CIITA: variants seen among roughly 807,000 people sequenced by gnomAD.
CIITA encodes the protein MHC class II transactivator.
Under a neutral mutation model 115.1 loss-of-function variants are expected in CIITA, and 72 were observed. The ratio of observed to expected loss-of-function variants is 0.63; its 90% CI spans 0.52 to 0.76. The LOEUF (loss-of-function observed/expected upper bound fraction) is 0.76, where lower values mean the gene tolerates loss of function less well. Ranked by LOEUF, CIITA falls within the 30% of genes least tolerant of loss-of-function variation. The probability of loss-of-function intolerance (pLI) is 0.00; values close to 1 mark genes in which losing one functional copy is unlikely to be tolerated. For synonymous variants in CIITA, 763 were observed against 635.6 expected (o/e 1.20, Z -3.02); for missense variants, 1,617 against 1,463.8 (o/e 1.10, Z -1.71).
intron 9 of CIITA, among the ~76,000 whole-genome samples, chr16:10,904,107 C>T (rs2038972175): frequency 6.6e-6 from 1 of 152,192 alleles, no homozygotes; most frequent in Non-Finnish European, 1.5e-5. Context: ...CCAAATACAG[C>T]CATCAGCCTT....
chr16:10,916,563 T>G, intron 15 of CIITA, 104 bp downstream of exon 15: 1 of 965,430 alleles, frequency 1.0e-6, no homozygotes, highest in South Asian at 1.4e-5. Flanking sequence ...GGGCTCGCTG[T>G]GTCACCCAGG....
intron 3 of CIITA, among the ~76,000 whole-genome samples, chr16:10,897,157 T>C (rs1270003105): frequency 2.6e-5 from 4 of 152,138 alleles, no homozygotes; most frequent in Non-Finnish European, 4.4e-5. Context: ...CTGAGTAATT[T>C]ATAAAGAAAA....
At position 10,877,690 on chromosome 16, in the gene CIITA, A is replaced by G. The variant is rs186133286; in HGVS notation, c.52+308A>G. ...ATGCTGGCCTGGCTCGGCCCACAGC[A>G]AGGTCTTCTCGCCTCCCTTTGGGTA... On this transcript the variant is annotated intron_variant, in intron 1 of 19. Coordinates refer to ENST00000324288, the MANE Select transcript of CIITA (RefSeq NM_000246.4). Among the ~76,000 whole-genome samples, 122 of 152,260 alleles carry G rather than the reference A, an allele frequency of 8.0e-4. 1 individual carries two copies. Among genetic ancestry groups the G allele is most frequent in the Non-Finnish European group, 1.3e-4 (9 of 68,012 alleles).
At chr16:10,903,675 G>A (rs2038939015) in intron 8 of CIITA, 56 bp from the exon 9 acceptor site, 6 of 1,598,064 alleles carry the variant, frequency 3.8e-6, no homozygotes, top group Admixed American at 1.7e-5. Flanking sequence ...TGACCCAAGT[G>A]CATTTCTGGA....
chr16:10,883,883 A>G (rs1391632874), intron 1 of CIITA, among the ~76,000 whole-genome samples: 1 of 152,238 alleles, frequency 6.6e-6, no homozygotes, highest in Non-Finnish European at 1.5e-5. Flanking sequence ...CAAGGAAGCT[A>G]GACCTTCACA....
Position 10,942,366 on chromosome 16 carries a change from C to G in CIITA, n.1492C>G, listed in dbSNP as rs972671425. ...CAGTGTCTAGGGCCGGTCCCGGCAG[C>G]CTTCTCTCCCGCCCCGCCCCGCAGG... On this transcript the variant is annotated non_coding_transcript_exon_variant, in exon 2 of 2. Coordinates refer to the CIITA transcript ENST00000573379. This position sits in a 1 kb window ranked among gnomAD's most constrained non-coding sequence, Gnocchi z 5.0. 8.1e-5 allele frequency: 15 copies of G among 184,952 alleles called. No homozygotes were observed. Among genetic ancestry groups the G allele is most frequent in the Non-Finnish European group, 1.7e-4 (15 of 88,614 alleles). The allele number at this position is 184,952 out of a possible 1,614,324, so 11.5% of individuals were successfully genotyped here.
chr16:10,871,554 G>A (rs1032971496), intron 1 of CIITA, among the ~76,000 whole-genome samples: 10 of 152,132 alleles, frequency 6.6e-5, no homozygotes, highest in Admixed American at 3.3e-4. Flanking sequence ...CTGGGAAGTC[G>A]CCTGATTTAT....
chr16:10,922,337 G>A (rs1433806647), intron 17 of CIITA, 70 bp from the exon 18 acceptor site: 22 of 1,608,358 alleles, frequency 1.4e-5, no homozygotes, highest in Non-Finnish European at 1.6e-5. Context: ...AGAGCTGGAT[G>A]TGGGGGTGGC....
intron 1 of CIITA, among the ~76,000 whole-genome samples, chr16:10,870,658 A>G (rs889344478): frequency 2.6e-5 from 4 of 152,182 alleles, no homozygotes; most frequent in African/African-American, 9.7e-5. Flanking sequence ...TCTGCTCCTT[A>G]CGTACCATGT....
chr16:10,916,353 G>A lies in CIITA; in HGVS notation c.2970-14G>A. 6.2e-7 allele frequency: 1 copy of A among 1,613,296 alleles called. No individual in the cohort carries two copies. Among genetic ancestry groups the A allele is most frequent in the Non-Finnish European group, 8.5e-7 (1 of 1,179,630 alleles). On this transcript the variant is annotated splice_polypyrimidine_tract_variant and intron_variant, in intron 14 of 19. Coordinates refer to ENST00000324288, the MANE Select transcript of CIITA (RefSeq NM_000246.4). ...GGACGCTAGCTGATGGCCCCCATCT[G>A]ATTCCACCTGCAGCCTGGATGCGCT...
Position 10,877,267 on chromosome 16 carries a change from G to A in CIITA, c.-64G>A, listed in dbSNP as rs2143426696. 6.6e-7 allele frequency: 1 copy of A among 1,513,260 alleles called. No homozygotes were observed. The highest frequency in any genetic ancestry group is 9.1e-7 in the Non-Finnish European group (1 of 1,099,088). 93.7% of individuals were successfully genotyped at this position (1,513,260 alleles called of 1,614,324 possible). On this transcript the variant is annotated 5_prime_UTR_variant, in exon 1 of 20. Transcript: ENST00000324288. ...GGCATCCGAAGGCATCCTTGGGGAA[G>A]CTGAGGGCACGAGGAGGGGCTGCCA... is the stretch of plus-strand genomic sequence containing the variant.
intron 10 of CIITA, 104 bp from the exon 11 acceptor site, chr16:10,906,395 T>C: frequency 7.5e-7 from 1 of 1,331,374 alleles, no homozygotes; most frequent in Non-Finnish European, 1.1e-6. Context: ...AAAAACTGTG[T>C]GGGGAACAGA....
intron 1 of CIITA, among the ~76,000 whole-genome samples, chr16:10,887,421 C>G (rs1357403821): frequency 6.6e-6 from 1 of 152,188 alleles, no homozygotes; most frequent in East Asian, 1.9e-4. Flanking sequence ...TCTAGGCACA[C>G]AGTTCAGAGG....
rs1596639419 is a variant in CIITA, at chr16:10,929,333, G to T, written c.*5478G>T. The T allele has an allele frequency of 1.0e-6, 1 of 985,938 alleles. No homozygotes were observed. The highest frequency in any genetic ancestry group is 1.1e-4 in the East Asian group (1 of 8,826). 61.1% of individuals were successfully genotyped at this position (985,938 alleles called of 1,614,324 possible). A position where few individuals can be genotyped will look rare whatever the true frequency, so the allele number is the denominator to read the frequency against. On this transcript the variant is annotated 3_prime_UTR_variant, in exon 20 of 20. Transcript: ENST00000324288. This position sits in a 1 kb window ranked among gnomAD's most constrained non-coding sequence, Gnocchi z 4.3. ...ATGAAGTGCAGGGAGGCAAACTCTGGCTGGGTTCCTGTAAACATCCATCGC... is the reference window on the plus strand; with the variant it reads ...ATGAAGTGCAGGGAGGCAAACTCTGTCTGGGTTCCTGTAAACATCCATCGC...
At chr16:10,867,710 G>A (rs1356435373) in intron 1 of CIITA, among the ~76,000 whole-genome samples, 4 of 152,068 alleles carry the variant, frequency 2.6e-5, no homozygotes, top group African/African-American at 4.8e-5. Flanking sequence ...AACTTTTTAC[G>A]TCTCCTACCC....
chr16:10,904,651 C>T (rs552887018), intron 9 of CIITA, 93 bp from the exon 10 acceptor site: 35 of 1,308,414 alleles, frequency 2.7e-5, no homozygotes, highest in African/African-American at 2.5e-4. Flanking sequence ...AAACTCAGCC[C>T]ATGAAGGCTG....
Position 10,901,897 on chromosome 16 carries a change from T to C in CIITA, c.482-141T>C. 8.1e-7 allele frequency: 1 copy of C among 1,234,298 alleles called. No individual in the cohort carries two copies. The highest frequency in any genetic ancestry group is 1.2e-6 in the Non-Finnish European group (1 of 856,022). The allele number at this position is 1,234,298 out of a possible 1,614,324, so 76.5% of individuals were successfully genotyped here. A position where few individuals can be genotyped will look rare whatever the true frequency, so the allele number is the denominator to read the frequency against. On this transcript the variant is annotated intron_variant, in intron 6 of 19. Transcript: ENST00000324288. This position sits in a 1 kb window ranked among gnomAD's most constrained non-coding sequence, Gnocchi z 6.8. Reference sequence around the variant, plus strand: ...CTGCCTGGCACAGAGCAGTTGCTGATCAACACAGCTGCAGCCAGGGCTGAG... The same window carrying C: ...CTGCCTGGCACAGAGCAGTTGCTGACCAACACAGCTGCAGCCAGGGCTGAG...
chr16:10,883,504 G>A (rs181233396), intron 1 of CIITA, among the ~76,000 whole-genome samples: 2 of 152,254 alleles, frequency 1.3e-5, no homozygotes, highest in Admixed American at 6.5e-5. Flanking sequence ...TGGAGATGAT[G>A]GCCCATTCGA....
intron 18 of CIITA, 52 bp downstream of exon 18, chr16:10,922,542 T>A: frequency 6.3e-7 from 1 of 1,579,666 alleles, no homozygotes; most frequent in Non-Finnish European, 8.7e-7. Flanking sequence ...CCCAGGCGTG[T>A]GGCCCAGTGT....
Sources: gnomAD v4.1 joint callset for allele counts (sites outside exome capture counted in the v4.1 genomes callset) on GRCh38, gnomAD v4.1.1 for gene constraint, Gnocchi (gnomAD v3.1) non-coding constraint, MANE v1.5 for transcripts, NCBI Gene and HGNC (gene_info 2026-07-23, HGNC 2026-07-21) for gene names.